YEATS2: variants seen among roughly 807,000 people sequenced by gnomAD.
YEATS2 encodes YEATS domain-containing protein 2.
In YEATS2, 77 loss-of-function variants were observed where a neutral mutation model predicts 163.2. The observed-to-expected ratio is 0.47, with a 90% CI of 0.39 to 0.57. The LOEUF is 0.57. Ranked by LOEUF, YEATS2 falls within the 20% of genes least tolerant of loss-of-function variation. The pLI, the probability that YEATS2 is intolerant of heterozygous loss-of-function variation, is 0.00. For synonymous variants in YEATS2, 631 were observed against 645.1 expected, an observed-to-expected ratio of 0.98 and a Z score of 0.33; for missense variants, 1,549 against 1,729.8, an observed-to-expected ratio of 0.90 and a Z score of 1.85.
At chr3:183,736,923 C>T in intron 8 of YEATS2, 94 bp downstream of exon 8, 1 of 1,124,550 alleles carries the variant, frequency 8.9e-7, no homozygotes, top group South Asian at 1.6e-5. Flanking sequence ...GACCCCCTCG[C>T]ATTAAAAAAT....
chr3:183,712,113 C>T (rs939277587), intron 1 of YEATS2, among the ~76,000 whole-genome samples: 5 of 150,688 alleles, frequency 3.3e-5, no homozygotes, highest in East Asian at 3.9e-4. Flanking sequence ...CCACTGCACC[C>T]GGCCTAAATT....
chr3:183,810,255 C>A, intron 30 of YEATS2: 1 of 482,476 alleles, frequency 2.1e-6, no homozygotes, highest in Non-Finnish European at 3.7e-6. Context: ...TTCTCAGAAT[C>A]TTTTTTCCTA....
At chr3:183,729,794 T>C (rs1717525656) in intron 7 of YEATS2, among the ~76,000 whole-genome samples, 1 of 151,958 alleles carries the variant, frequency 6.6e-6, no homozygotes, top group Non-Finnish European at 1.5e-5. Flanking sequence ...TTCAAGCGAT[T>C]CTTCTGCCTC....
At chr3:183,772,191 C>A in intron 15 of YEATS2, 114 bp from the exon 16 acceptor site, 1 of 1,446,422 alleles carries the variant, frequency 6.9e-7, no homozygotes, top group Non-Finnish European at 9.5e-7. Flanking sequence ...TCCTAGATGA[C>A]TGAATTAGGC....
At chr3:183,765,181 CATCTGAACTT>C (rs1721782283) in intron 15 of YEATS2, among the ~76,000 whole-genome samples, 1 of 152,170 alleles carries the variant, frequency 6.6e-6, no homozygotes, top group African/African-American at 2.4e-5. Context: ...CAGTTATTGT[CATCTGAACTT>C]CCTACTCAGG....
intron 1 of YEATS2, among the ~76,000 whole-genome samples, chr3:183,699,865 T>C (rs1713876736): frequency 1.3e-5 from 2 of 152,140 alleles, no homozygotes; most frequent in South Asian, 4.1e-4. Flanking sequence ...AACACGGTGG[T>C]TATTGGTTTT....
intron 7 of YEATS2, among the ~76,000 whole-genome samples, chr3:183,733,798 A>G (rs1302304606): frequency 6.6e-6 from 1 of 151,776 alleles, no homozygotes; most frequent in Non-Finnish European, 1.5e-5. Context: ...TTCAGTTGTC[A>G]GGACGACCCT....
rs1045277559 is a variant in YEATS2 at position 183,807,104 on chromosome 3, G to A, written c.4011+12G>A. ...ATGTCACACAGAAGGTAGGGGTTGT[G>A]GTGTTAATAGTTCATGCAGCAGACC... On this transcript the variant is annotated intron_variant, in intron 28 of 30. Transcript: ENST00000305135. The A allele has an allele frequency of 1.2e-6, 2 of 1,606,878 alleles. No homozygotes were observed. Among genetic ancestry groups the A allele is most frequent in the Non-Finnish European group, 1.7e-6 (2 of 1,176,554 alleles).
chr3:183,782,001 T>C (rs888285218), intron 19 of YEATS2, among the ~76,000 whole-genome samples: 1 of 152,224 alleles, frequency 6.6e-6, no homozygotes, highest in African/African-American at 2.4e-5. Flanking sequence ...TGGAATTATA[T>C]AGTATGTAGT....
chr3:183,810,967 T>C lies in YEATS2; in HGVS notation c.*384T>C, dbSNP rs754848888. ...GAAAATGAGTGGCAGGCTAGAGATT[T>C]CACCCATTTTGTGGGCTGGAGTTAC... On this transcript the variant is annotated 3_prime_UTR_variant, in exon 31 of 31. Coordinates refer to ENST00000305135, the MANE Select transcript of YEATS2 (RefSeq NM_018023.5). The C allele has an allele frequency of 2.9e-5, 6 of 206,166 alleles. No individual in the cohort carries two copies. Among genetic ancestry groups the C allele is most frequent in the Non-Finnish European group, 4.9e-5 (5 of 101,122 alleles). 12.8% of individuals were successfully genotyped at this position (206,166 alleles called of 1,614,324 possible).
chr3:183,752,331 A>G (rs758376135), intron 10 of YEATS2, 78 bp downstream of exon 10: 37 of 1,542,234 alleles, frequency 2.4e-5, no homozygotes, highest in Non-Finnish European at 3.1e-5. Flanking sequence ...GACCTATAGT[A>G]TATGGAAAAT....
chr3:183,804,085 T>C lies in YEATS2; in HGVS notation c.3681T>C (p.Ala1227=). The change falls in exon 27 of 31, where the codon GCT becomes GCC. Residue 1227 remains alanine, a synonymous_variant. Coordinates refer to ENST00000305135, the MANE Select transcript of YEATS2 (RefSeq NM_018023.5). ...CTCCCCTCAAAACCAAGCACATCGCTCACTGGTGCCGCTGTCATGGCTACA... is the reference window on the plus strand; with the variant it reads ...CTCCCCTCAAAACCAAGCACATCGCCCACTGGTGCCGCTGTCATGGCTACA... ...HLTPLKTKHI[A]HWCRCHGYTP... 1 of 1,614,032 alleles carries C rather than the reference T, an allele frequency of 6.2e-7. No individual in the cohort carries two copies. The highest frequency in any genetic ancestry group is 1.1e-5 in the South Asian group (1 of 91,078).
intron 29 of YEATS2, 108 bp from the exon 30 acceptor site, chr3:183,808,989 C>T: frequency 9.4e-7 from 1 of 1,068,480 alleles, no homozygotes; most frequent in African/African-American, 1.6e-5. Context: ...TTTTTAATCC[C>T]TAGTTGCAGT....
intron 8 of YEATS2, among the ~76,000 whole-genome samples, chr3:183,741,185 C>G (rs183171446): frequency 1.3e-5 from 2 of 151,964 alleles, no homozygotes; most frequent in Non-Finnish European, 2.9e-5. Flanking sequence ...GTGATCCACC[C>G]GCCTCAGCCT....
Position 183,756,553 on chromosome 3 carries a change from A to C in YEATS2, c.1416A>C (p.Pro472=), listed in dbSNP as rs372744987. ...GTTCCCCAATATCAACTCCAAGCCC[A>C]TCACCATTGCCTCGAACCCCGACTT... The part of the protein sequence containing the change: ...VSGSPISTPS[P]SPLPRTPTST... Residue 472 remains proline, a synonymous_variant, in exon 12 of 31, where the codon CCA becomes CCC. Coordinates refer to ENST00000305135, the MANE Select transcript of YEATS2 (RefSeq NM_018023.5). 11 of 1,594,294 alleles carry C rather than the reference A, an allele frequency of 6.9e-6. No individual in the cohort carries two copies. Among genetic ancestry groups the C allele is most frequent in the Non-Finnish European group, 8.5e-6 (10 of 1,171,702 alleles).
chr3:183,729,030 T>C (rs1717423980), intron 7 of YEATS2, among the ~76,000 whole-genome samples, 179 bp downstream of exon 7: 1 of 152,148 alleles, frequency 6.6e-6, no homozygotes, highest in Non-Finnish European at 1.5e-5. Flanking sequence ...CCAAGCACTT[T>C]GGGAGGCCAA....
chr3:183,786,899 C>T (rs963674732), intron 20 of YEATS2, among the ~76,000 whole-genome samples: 8 of 152,050 alleles, frequency 5.3e-5, no homozygotes, highest in Non-Finnish European at 1.0e-4. Flanking sequence ...TGTATAAACA[C>T]GTTTTTATTT....
At chr3:183,799,097 C>A in intron 23 of YEATS2, 108 bp downstream of exon 23, 1 of 844,468 alleles carries the variant, frequency 1.2e-6, no homozygotes, top group South Asian at 1.5e-5. Context: ...TTACCATAAT[C>A]TGAATCTTTT....
chr3:183,774,942 T>A (rs1722818952), intron 17 of YEATS2, among the ~76,000 whole-genome samples: 1 of 152,202 alleles, frequency 6.6e-6, no homozygotes, highest in Admixed American at 6.5e-5. Context: ...TGTGATATCC[T>A]TGGTGCAAAA....
Sources: allele counts gnomAD v4.1 joint callset (sites outside exome capture counted in the v4.1 genomes callset), GRCh38; gene constraint gnomAD v4.1.1; transcripts MANE v1.5; gene names NCBI Gene and HGNC (gene_info 2026-07-23, HGNC 2026-07-21).